Variants in CAMTA1 observed in about 807,000 individuals in gnomAD.
CAMTA1 encodes the protein calmodulin binding transcription activator 1.
Under a neutral mutation model 170.9 loss-of-function variants are expected in CAMTA1, and 27 were observed. The ratio of observed to expected loss-of-function variants is 0.16; its 90% CI spans 0.12 to 0.22. CAMTA1 has a LOEUF of 0.22. CAMTA1 is among the 10% of genes least tolerant of loss of function. The pLI, the probability that CAMTA1 is intolerant of heterozygous loss-of-function variation, is 1.00. For synonymous variants in CAMTA1, 833 were observed against 891.5 expected (o/e 0.93, Z 1.17); for missense variants, 1,619 against 2,217.2 (o/e 0.73, Z 5.42).
chr1:7,103,427 T>C (rs1475003414), intron 4 of CAMTA1, among the ~76,000 whole-genome samples: 5 of 28,240 alleles, frequency 1.8e-4, no homozygotes, highest in African/African-American at 1.4e-3. Flanking sequence ...CACACACACC[T>C]ACACACACTA....
Position 7,652,748 on chromosome 1 carries a change from G to T in CAMTA1, c.665-8978G>T, listed in dbSNP as rs12404960. ...CCAGCACCCTCTACCTCCAGATGGG[G>T]TCGCTTTTCTCCTCTGCCCACCACC... On this transcript the variant is annotated intron_variant, in intron 7 of 22. Coordinates refer to ENST00000303635, the MANE Select transcript of CAMTA1 (RefSeq NM_015215.4). Among the ~76,000 whole-genome samples the T allele has an allele frequency of 5.4e-3, 816 of 152,222 alleles. 9 individuals are homozygous for T. Among genetic ancestry groups the T allele is most frequent in the African/African-American group, 0.014 (587 of 41,542 alleles).
Position 7,069,837 on chromosome 1 carries a change from G to A in CAMTA1, c.235-21467G>A, listed in dbSNP as rs1253874294. On this transcript the variant is annotated intron_variant, in intron 3 of 22. Transcript: ENST00000303635. ...TGGGCCTAACTTGGGAAAATATTAC[G>A]CAGTACAAAATAAAATTAAACAGTA... 2.6e-5 allele frequency among the ~76,000 whole-genome samples: 4 copies of A among 152,172 alleles called. No individual in the cohort carries two copies. The South Asian group carries it at 8.3e-4, about 32-fold the overall frequency.
intron 5 of CAMTA1, among the ~76,000 whole-genome samples, chr1:7,303,061 C>G (rs1028880379): frequency 6.6e-6 from 1 of 152,174 alleles, no homozygotes; most frequent in Non-Finnish European, 1.5e-5. Flanking sequence ...CCGCCTTCCT[C>G]TTGGTGCTGC....
intron 4 of CAMTA1, among the ~76,000 whole-genome samples, chr1:7,116,610 T>A (rs1644341567): frequency 6.6e-6 from 1 of 152,138 alleles, no homozygotes. Context: ...GCAACTCACT[T>A]TGAGTCTTGC....
At chr1:7,525,388 G>A (rs1300450972) in intron 6 of CAMTA1, among the ~76,000 whole-genome samples, 1 of 151,956 alleles carries the variant, frequency 6.6e-6, no homozygotes, top group Non-Finnish European at 1.5e-5. Flanking sequence ...TTCTGCAGAG[G>A]CTCAGGCTCC....
chr1:7,420,877 A>G (rs1418434547), intron 5 of CAMTA1, among the ~76,000 whole-genome samples: 2 of 152,160 alleles, frequency 1.3e-5, no homozygotes, highest in African/African-American at 2.4e-5. Context: ...AGGTGCTGAC[A>G]TCATCCTGGA....
intron 4 of CAMTA1, among the ~76,000 whole-genome samples, chr1:7,212,548 C>T (rs1481557862): frequency 6.6e-6 from 1 of 152,138 alleles, no homozygotes; most frequent in African/African-American, 2.4e-5. Flanking sequence ...CTTTCTATTT[C>T]AAGACAACTG....
chr1:7,347,952 T>G (rs1159005076), intron 5 of CAMTA1, among the ~76,000 whole-genome samples: 2 of 152,202 alleles, frequency 1.3e-5, no homozygotes, highest in Non-Finnish European at 2.9e-5. Flanking sequence ...GAGGTTAGGA[T>G]GTGGACGTAT....
rs1699571298 is a variant in CAMTA1, at chr1:7,010,098, T to C, written c.235-81206T>C. 6.6e-6 allele frequency among the ~76,000 whole-genome samples: 1 copy of C among 152,316 alleles called. No individual in the cohort carries two copies. Among genetic ancestry groups the C allele is most frequent in the African/African-American group, 2.4e-5 (1 of 41,580 alleles). On this transcript the variant is annotated intron_variant, in intron 3 of 22. Coordinates refer to ENST00000303635, the MANE Select transcript of CAMTA1 (RefSeq NM_015215.4). The surrounding 1 kb of genome is among the most constrained non-coding windows in gnomAD (Gnocchi z 4.4). The stretch of plus-strand genomic sequence containing the variant: ...CAGGGGTTGGTTGGTTTGTTTCTTC[T>C]GGATTTGGATTTGTCCCCAGGACAG...
At chr1:7,619,789 A>G (rs1258794786) in intron 6 of CAMTA1, among the ~76,000 whole-genome samples, 1 of 151,886 alleles carries the variant, frequency 6.6e-6, no homozygotes, top group Non-Finnish European at 1.5e-5. Flanking sequence ...AGCTGGGATT[A>G]TAGGCAAGTG....
intron 4 of CAMTA1, among the ~76,000 whole-genome samples, chr1:7,208,905 A>G (rs369704018): frequency 2.6e-5 from 4 of 152,138 alleles, no homozygotes; most frequent in African/African-American, 7.2e-5. Context: ...ATAGAAAGCT[A>G]TGTGCTACAG....
rs960644774 is a variant in CAMTA1, at chr1:7,680,719, C to T, written c.2914+2986C>T. On this transcript the variant is annotated intron_variant, in intron 11 of 22. Transcript: ENST00000303635. The surrounding 1 kb of genome is among the most constrained non-coding windows in gnomAD (Gnocchi z 4.4). ...TGGGATGCGCCCTTTGTCCCCTCTG[C>T]CATGCGCGGGGGAAAATGTTTGAGG... is the stretch of plus-strand genomic sequence containing the variant. 2.0e-5 allele frequency among the ~76,000 whole-genome samples: 3 copies of T among 151,946 alleles called. No homozygotes were observed. Among genetic ancestry groups the T allele is most frequent in the African/African-American group, 7.2e-5 (3 of 41,406 alleles).
chr1:7,022,911 G>A (rs1163246175), intron 3 of CAMTA1, among the ~76,000 whole-genome samples: 1 of 152,148 alleles, frequency 6.6e-6, no homozygotes, highest in African/African-American at 2.4e-5. Context: ...ATTTCCAGGT[G>A]CCGGAAGCCA....
intron 6 of CAMTA1, among the ~76,000 whole-genome samples, chr1:7,484,152 C>T (rs1377229450): frequency 1.3e-5 from 2 of 152,194 alleles, no homozygotes; most frequent in Non-Finnish European, 2.9e-5. Context: ...CCATCACCAG[C>T]TCATCCCAGG....
intron 4 of CAMTA1, among the ~76,000 whole-genome samples, chr1:7,228,274 C>T (rs1002538935): frequency 2.0e-5 from 3 of 152,190 alleles, no homozygotes; most frequent in African/African-American, 7.2e-5. Context: ...TCACGCAGCC[C>T]GTCAAAACAA....
chr1:7,095,637 C>T (rs976698908), intron 4 of CAMTA1, among the ~76,000 whole-genome samples: 2 of 152,250 alleles, frequency 1.3e-5, no homozygotes, highest in African/African-American at 4.8e-5. Flanking sequence ...CTCCGCCTCT[C>T]ACTGCCGTGA....
intron 6 of CAMTA1, among the ~76,000 whole-genome samples, chr1:7,544,805 C>A (rs116489420): frequency 1.3e-5 from 2 of 152,096 alleles, no homozygotes; most frequent in African/African-American, 4.8e-5. Context: ...CAAGATAACA[C>A]GTGGCAAGAG....
intron 7 of CAMTA1, among the ~76,000 whole-genome samples, chr1:7,659,273 G>A (rs1027807431): frequency 1.3e-5 from 2 of 152,130 alleles, no homozygotes; most frequent in African/African-American, 2.4e-5. Flanking sequence ...GGTGGCTCAC[G>A]CCTGTAATCC....
chr1:7,488,862 T>C (rs1292357688), intron 6 of CAMTA1, among the ~76,000 whole-genome samples: 3 of 152,116 alleles, frequency 2.0e-5, no homozygotes, highest in Non-Finnish European at 2.9e-5. Flanking sequence ...CATACATATA[T>C]ACACACAATA....
Sources: allele counts gnomAD v4.1 joint callset (sites outside exome capture counted in the v4.1 genomes callset), GRCh38; gene constraint gnomAD v4.1.1; non-coding constraint Gnocchi (gnomAD v3.1); transcripts MANE v1.5; gene names NCBI Gene and HGNC (gene_info 2026-07-23, HGNC 2026-07-21).